Variants in GYS1 observed in about 807,000 individuals in gnomAD.
GYS1 encodes the protein glycogen [starch] synthase, muscle.
In GYS1, 60 loss-of-function variants were observed where a neutral mutation model predicts 89.1. The observed-to-expected ratio is 0.67, with a 90% confidence interval of 0.55 to 0.84. The LOEUF (loss-of-function observed/expected upper bound fraction) is 0.84. Among genes scored for constraint, GYS1 ranks in the 40% least tolerant of loss-of-function variants. The pLI, the probability that GYS1 is intolerant of heterozygous loss-of-function variation, is 0.00. For synonymous variants in GYS1, 366 were observed against 401.7 expected, an observed-to-expected ratio of 0.91 and a Z score of 1.06; for missense variants, 888 against 1,003.1, an observed-to-expected ratio of 0.89 and a Z score of 1.55.
intron 3 of GYS1, 125 bp downstream of exon 3, chr19:48,987,069 G>A: frequency 2.7e-6 from 2 of 746,772 alleles, no homozygotes; most frequent in Non-Finnish European, 4.8e-6. Context: ...AAAGGCCAGA[G>A]CTAATCCTTG....
Position 48,971,174 on chromosome 19 carries a change from G to A in GYS1, c.1550-151C>T. On this transcript the variant is annotated intron_variant, in intron 12 of 15. Transcript: ENST00000323798. ...CGCTGAGCCCCCACAACCAGGCTGT[G>A]CATTTCCCTATTTCTCAGAGGGGAC... The A allele has an allele frequency of 4.3e-6, 3 of 699,604 alleles. No homozygotes were observed. The South Asian group carries it at 4.5e-5, about 10-fold the overall frequency. The allele number at this position is 699,604 out of a possible 1,614,324, so 43.3% of individuals were successfully genotyped here.
intron 14 of GYS1, 83 bp downstream of exon 14, chr19:48,970,463 A>G (rs779130126): frequency 1.7e-6 from 2 of 1,149,082 alleles, no homozygotes; most frequent in African/African-American, 3.0e-5. Context: ...TACAAGTAGG[A>G]TGAGACCCTG....
chr19:48,985,367 C>T, intron 5 of GYS1, 94 bp downstream of exon 5: 1 of 1,312,964 alleles, frequency 7.6e-7, no homozygotes. Context: ...GCTATTTCAA[C>T]TTACAGTGGG....
chr19:48,984,147 C>T (rs755822401), intron 5 of GYS1, among the ~76,000 whole-genome samples: 1 of 151,748 alleles, frequency 6.6e-6, no homozygotes, highest in Admixed American at 6.6e-5. Flanking sequence ...GCTGGGATTA[C>T]AGGCGCCTGC....
Position 48,991,321 on chromosome 19 carries a change from A to G in GYS1, c.281T>C (p.Met94Thr). 6.2e-7 allele frequency: 1 copy of G among 1,613,918 alleles called. No individual in the cohort carries two copies. Among genetic ancestry groups the G allele is most frequent in the Non-Finnish European group, 8.5e-7 (1 of 1,180,030 alleles). Residue 94 changes from methionine to threonine, a missense_variant, in exon 2 of 16, where the codon ATG (methionine) becomes ACG (threonine). Transcript: ENST00000323798. This position sits in a 1 kb window ranked among gnomAD's most constrained non-coding sequence, Gnocchi z 4.7. ...TCCCACCTTGCAGCCCTTGCTGTTC[A>G]TGGAATCCAGTGTCCTCTTCAGGGC... The part of the protein sequence containing the change: ...TPALKRTLDS[M>T]NSKGCKVYFG...
At chr19:48,982,207 T>C (rs1356007522) in intron 7 of GYS1, 48 bp downstream of exon 7, 1 of 1,604,628 alleles carries the variant, frequency 6.2e-7, no homozygotes, top group Admixed American at 1.7e-5. Context: ...TCCCTAGTTA[T>C]AAACTGCTTT....
Position 48,977,825 on chromosome 19 carries a change from C to G in GYS1, c.1308+99G>C, listed in dbSNP as rs1286399236. 8.0e-6 allele frequency: 7 copies of G among 872,798 alleles called. No homozygotes were observed. The African/African-American group carries it at 9.8e-5, about 12-fold the overall frequency. 54.1% of individuals were successfully genotyped at this position (872,798 alleles called of 1,614,324 possible). On this transcript the variant is annotated intron_variant, in intron 10 of 15. Transcript: ENST00000323798. ...CTTCATAAAGGGCTGCAGGAGAAAGCAGGACTCCCAGCAATCTCTGGGGTC... is the reference window on the plus strand; with the variant it reads ...CTTCATAAAGGGCTGCAGGAGAAAGGAGGACTCCCAGCAATCTCTGGGGTC...
chr19:48,987,387 T>A lies in GYS1; in HGVS notation c.301-2A>T. 6.3e-7 allele frequency: 1 copy of A among 1,591,846 alleles called. No homozygotes were observed. The highest frequency in any genetic ancestry group is 8.6e-7 in the Non-Finnish European group (1 of 1,168,154). ...GATCAGCCAGCGCCCGAAATACACC[T>A]GGGATGGGGTTGGGGAGGCACCATA... On this transcript the variant is annotated splice_acceptor_variant, in intron 2 of 15. Transcript: ENST00000323798. LOFTEE classifies it high-confidence loss of function.
chr19:48,986,507 T>A (rs185360448), intron 3 of GYS1, among the ~76,000 whole-genome samples: 18 of 151,474 alleles, frequency 1.2e-4, no homozygotes, highest in Non-Finnish European at 2.5e-4. Flanking sequence ...TTTTTTCTTT[T>A]TCTTTTTTTT....
chr19:48,992,067 C>T (rs1485690958), intron 1 of GYS1, among the ~76,000 whole-genome samples: 1 of 152,128 alleles, frequency 6.6e-6, no homozygotes, highest in Non-Finnish European at 1.5e-5. Flanking sequence ...TCTGCCTCTC[C>T]CATGACCCTA....
chr19:48,984,486 C>T (rs189539664), intron 5 of GYS1, among the ~76,000 whole-genome samples: 1 of 150,286 alleles, frequency 6.7e-6, no homozygotes, highest in African/African-American at 2.4e-5. Flanking sequence ...ACCTCCGCCT[C>T]CTGGGTTCAA....
intron 14 of GYS1, among the ~76,000 whole-genome samples, chr19:48,970,128 C>CT (rs1036562137): frequency 6.6e-6 from 1 of 152,014 alleles, no homozygotes; most frequent in African/African-American, 2.4e-5. Flanking sequence ...GACCAATGTT[C>CT]TTTTTTTCTT....
chr19:48,987,111 C>T (rs910394723), intron 3 of GYS1, 83 bp downstream of exon 3: 20 of 1,000,786 alleles, frequency 2.0e-5, no homozygotes, highest in Non-Finnish European at 3.1e-5. Context: ...CCAGAATGCC[C>T]AGGGAGAAGC....
intron 11 of GYS1, 57 bp downstream of exon 11, chr19:48,974,563 A>G: frequency 8.2e-7 from 1 of 1,216,246 alleles, no homozygotes; most frequent in Non-Finnish European, 1.2e-6. Flanking sequence ...TGTGAGGCCC[A>G]GGACCCAACC....
rs766632630 is a variant in GYS1 at position 48,969,748 on chromosome 19, C to T, written c.1890+27G>A. 1.9e-6 allele frequency: 3 copies of T among 1,607,804 alleles called. No homozygotes were observed. The Admixed American group carries it at 5.0e-5, about 27-fold the overall frequency. On this transcript the variant is annotated intron_variant, in intron 15 of 15. Coordinates refer to ENST00000323798, the MANE Select transcript of GYS1 (RefSeq NM_002103.5). ...CGAAGCCCAGCCCTTTAGCTCCTGG[C>T]TAAGCAGAAATCCAGGGTCCACTCA...
At position 48,991,346 on chromosome 19, in the gene GYS1, C is replaced by T. The variant is rs1394711973; in HGVS notation, c.256G>A (p.Ala86Thr). ...QVELLEAPTP[A>T]LKRTLDSMNS... is the part of the protein sequence containing the mutation. The stretch of plus-strand genomic sequence containing the variant: ...ATGGAATCCAGTGTCCTCTTCAGGG[C>T]CGGGGTGGGGGCCTCCAGCAGTTCC... The change falls in exon 2 of 16, where the codon GCC becomes ACC. Residue 86 changes from alanine to threonine, a missense_variant. Coordinates refer to ENST00000323798, the MANE Select transcript of GYS1 (RefSeq NM_002103.5). This position sits in a 1 kb window ranked among gnomAD's most constrained non-coding sequence, Gnocchi z 4.7. The T allele has an allele frequency of 1.2e-6, 2 of 1,614,084 alleles. No homozygotes were observed. The highest frequency in any genetic ancestry group is 2.2e-5 in the East Asian group (1 of 44,886).
intron 5 of GYS1, among the ~76,000 whole-genome samples, chr19:48,983,741 C>T (rs75184926): frequency 0.01 from 1,566 of 152,280 alleles, 15 homozygotes; most frequent in African/African-American, 0.024. Flanking sequence ...TCTGACCTAA[C>T]CTTTCTCAAA....
At chr19:48,973,321 T>G (rs2038594430) in intron 12 of GYS1, among the ~76,000 whole-genome samples, 1 of 107,260 alleles carries the variant, frequency 9.3e-6, no homozygotes, top group Non-Finnish European at 1.9e-5. Context: ...AATTACCCAG[T>G]CTTGGATTTT....
chr19:48,984,857 G>A (rs193069958), intron 5 of GYS1, among the ~76,000 whole-genome samples: 1 of 151,686 alleles, frequency 6.6e-6, no homozygotes, highest in African/African-American at 2.4e-5. Context: ...CTCCAGCCTG[G>A]GCGACAGAGC....
Sources: gnomAD v4.1 joint callset for allele counts (sites outside exome capture counted in the v4.1 genomes callset) on GRCh38, gnomAD v4.1.1 for gene constraint, Gnocchi (gnomAD v3.1) non-coding constraint, MANE v1.5 for transcripts, NCBI Gene and HGNC (gene_info 2026-07-23, HGNC 2026-07-21) for gene names.